The following ACTN2 variants were observed in gnomAD, a reference collection of about 807,000 sequenced individuals.
ACTN2 encodes alpha-actinin-2.
ACTN2 carries 39 observed loss-of-function variants against 113.8 expected under a neutral mutation model. That is an observed-to-expected ratio of 0.34 (90% CI 0.27 to 0.45). The LOEUF (loss-of-function observed/expected upper bound fraction) is 0.45. ACTN2 is among the 20% of genes least tolerant of loss of function. The probability of loss-of-function intolerance (pLI) is 1.00; values close to 1 mark genes in which losing one functional copy is unlikely to be tolerated. For synonymous variants in ACTN2, 429 were observed against 444.1 expected (o/e 0.97, Z 0.43); for missense variants, 992 against 1,177.9 (o/e 0.84, Z 2.31).
At chr1:236,715,168 T>G (rs1441984092) in intron 1 of ACTN2, among the ~76,000 whole-genome samples, 13 of 149,778 alleles carry the variant, frequency 8.7e-5, no homozygotes, top group Non-Finnish European at 1.6e-4. Context: ...TTTTTTTTTT[T>G]TATTCTACTT....
intron 10 of ACTN2, among the ~76,000 whole-genome samples, chr1:236,740,636 A>C (rs909791463): frequency 1.2e-4 from 18 of 151,158 alleles, no homozygotes; most frequent in Middle Eastern, 3.3e-3. Flanking sequence ...GAGTTCAAGC[A>C]ATTCTCCTGC....
chr1:236,703,302 A>C (rs1657729508), intron 1 of ACTN2, among the ~76,000 whole-genome samples: 2 of 152,214 alleles, frequency 1.3e-5, no homozygotes, highest in South Asian at 2.1e-4. Context: ...AGTTTGTGCC[A>C]GCCTGGGGGA....
chr1:236,709,956 AT>A (rs1216599857), intron 1 of ACTN2, among the ~76,000 whole-genome samples: 8 of 151,062 alleles, frequency 5.3e-5, no homozygotes, highest in East Asian at 3.9e-4. Context: ...ATGTTGCCAA[AT>A]TTTTTTTTTG....
intron 13 of ACTN2, 101 bp from the exon 14 acceptor site, chr1:236,749,023 A>G: frequency 7.7e-7 from 1 of 1,299,040 alleles, no homozygotes; most frequent in Non-Finnish European, 1.1e-6. Flanking sequence ...TACGATTAAC[A>G]GAATATCAGA....
chr1:236,709,665 G>A (rs1250265554), intron 1 of ACTN2, among the ~76,000 whole-genome samples: 3 of 152,058 alleles, frequency 2.0e-5, no homozygotes, highest in South Asian at 4.1e-4. Context: ...AACTTCAACA[G>A]AGAACGCTCA....
At chr1:236,742,535 T>TAAA (rs140346044) in intron 10 of ACTN2, among the ~76,000 whole-genome samples, 2 of 150,872 alleles carry the variant, frequency 1.3e-5, no homozygotes, top group African/African-American at 4.9e-5. Context: ...TCCATTTCTT[T>TAAA]AAAAAAAAAC....
At position 236,737,160 on chromosome 1, in the gene ACTN2, T is replaced by C. The variant is rs1203014708; in HGVS notation, c.822T>C (p.Ala274=). ...TAANRICKVL[A]VNQENERLME... ...CTAACAGGATATGTAAGGTTCTTGC[T>C]GTGAATCAAGAGAATGAGAGGCTGA... Residue 274 remains alanine, a synonymous_variant, in exon 9 of 21, where the codon GCT becomes GCC. Coordinates refer to ENST00000366578, the MANE Select transcript of ACTN2 (RefSeq NM_001103.4). 3.1e-6 allele frequency: 5 copies of C among 1,608,702 alleles called. No homozygotes were observed. Among genetic ancestry groups the C allele is most frequent in the Non-Finnish European group, 4.2e-6 (5 of 1,176,904 alleles).
intron 17 of ACTN2, 26 bp downstream of exon 17, chr1:236,755,224 C>T (rs535123342): frequency 9.0e-5 from 146 of 1,613,634 alleles, no homozygotes; most frequent in Non-Finnish European, 1.2e-4. Context: ...AGGCGTGTGC[C>T]GCTCACTTCT....
At chr1:236,751,356 C>G (rs1659388523) in intron 14 of ACTN2, 114 bp from the exon 15 acceptor site, 2 of 1,307,484 alleles carry the variant, frequency 1.5e-6, no homozygotes, top group Admixed American at 3.9e-5. Flanking sequence ...GTGTTTTTCT[C>G]CAGAGACTCT....
At chr1:236,709,360 G>A (rs995424175) in intron 1 of ACTN2, among the ~76,000 whole-genome samples, 7 of 121,610 alleles carry the variant, frequency 5.8e-5, no homozygotes, top group East Asian at 2.3e-4. Flanking sequence ...ATATATATAC[G>A]TGTGTGTGTA....
Position 236,749,161 on chromosome 1 carries a change from A to C in ACTN2, c.1553A>C (p.His518Pro), listed in dbSNP as rs775555399. ...EKLLETIDQL[H>P]LEFAKRAAPF... ...TTGCTAGAAACCATTGATCAGCTTCACCTGGAGTTTGCCAAGAGGGCTGCT... is the reference window on the plus strand; with the variant it reads ...TTGCTAGAAACCATTGATCAGCTTCCCCTGGAGTTTGCCAAGAGGGCTGCT... The change falls in exon 14 of 21, where the codon CAC becomes CCC. Residue 518 changes from histidine (H) to proline (P), a missense_variant. By Grantham distance (77) the His-to-Pro change is moderately conservative. Around this residue, in one of 3 missense-constraint regions of ACTN2, gnomAD observed 736 missense variants for 815.4 expected, o/e 0.90. Coordinates refer to ENST00000366578, the MANE Select transcript of ACTN2 (RefSeq NM_001103.4). The C allele has an allele frequency of 6.2e-7, 1 of 1,614,140 alleles. No individual in the cohort carries two copies. Among genetic ancestry groups the C allele is most frequent in the South Asian group, 1.1e-5 (1 of 91,086 alleles).
rs1658802329 is a variant in ACTN2, at chr1:236,734,338, G to T, written c.698-1297G>T. ...ACATAAGTGTATGGGGGCGAAGGGGGAGGATTCCTGATTCCAACACCTCTG... is the reference window on the plus strand; with the variant it reads ...ACATAAGTGTATGGGGGCGAAGGGGTAGGATTCCTGATTCCAACACCTCTG... On this transcript the variant is annotated intron_variant, in intron 7 of 20. Coordinates refer to ENST00000366578, the MANE Select transcript of ACTN2 (RefSeq NM_001103.4). 6 of 828,228 alleles carry T rather than the reference G, an allele frequency of 7.2e-6. No individual in the cohort carries two copies. In the South Asian group the frequency reaches 1.1e-4, roughly 15 times the overall value. 51.3% of individuals were successfully genotyped at this position (828,228 alleles called of 1,614,324 possible).
At chr1:236,745,262 G>A (rs1030223406) in intron 12 of ACTN2, among the ~76,000 whole-genome samples, 1 of 151,956 alleles carries the variant, frequency 6.6e-6, no homozygotes, top group Non-Finnish European at 1.5e-5. Flanking sequence ...GTGAAACCCC[G>A]TCTCTACTAA....
chr1:236,686,832 G>T (rs746504347), intron 1 of ACTN2, 33 bp downstream of exon 1: 3 of 1,425,596 alleles, frequency 2.1e-6, no homozygotes, highest in South Asian at 1.5e-5. Flanking sequence ...CCCGCGCGTG[G>T]TGGGGCCGGG....
At chr1:236,713,619 C>T (rs905995276) in intron 1 of ACTN2, among the ~76,000 whole-genome samples, 3 of 151,874 alleles carry the variant, frequency 2.0e-5, no homozygotes, top group African/African-American at 7.3e-5. Flanking sequence ...TACACAGATA[C>T]CACTGAAGGG....
chr1:236,726,001 A>G lies in ACTN2; in HGVS notation c.517A>G (p.Ile173Val), dbSNP rs749860792. The change falls in exon 5 of 21, where the codon ATT (isoleucine) becomes GTT (valine). Residue 173 changes from isoleucine (I) to valine (V), a missense_variant. Ile to Val is a conservative substitution (Grantham distance 29, BLOSUM62 3). Coordinates refer to ENST00000366578, the MANE Select transcript of ACTN2 (RefSeq NM_001103.4). Reference sequence around the variant, plus strand: ...AACTGCTCCTTATAGAAATGTGAACATTCAGAACTTCCATACTAGGTGAGC... The same window carrying G: ...AACTGCTCCTTATAGAAATGTGAACGTTCAGAACTTCCATACTAGGTGAGC... ...RKTAPYRNVN[I>V]QNFHTSWKDG... 15 of 1,614,040 alleles carry G rather than the reference A, an allele frequency of 9.3e-6. No homozygotes were observed. The African/African-American group carries it at 1.7e-4, about 19-fold the overall frequency.
chr1:236,737,403 T>C (rs1463945620), intron 9 of ACTN2, among the ~76,000 whole-genome samples, 189 bp downstream of exon 9: 1 of 148,996 alleles, frequency 6.7e-6, no homozygotes, highest in Non-Finnish European at 1.5e-5. Context: ...ACCTAACTTT[T>C]GGCAAAAACA....
chr1:236,761,955 C>T (rs1280910093), intron 20 of ACTN2, among the ~76,000 whole-genome samples: 1 of 151,596 alleles, frequency 6.6e-6, no homozygotes, highest in Non-Finnish European at 1.5e-5. Flanking sequence ...AATAGCCCAG[C>T]TGATTTAGAA....
intron 15 of ACTN2, 147 bp from the exon 16 acceptor site, chr1:236,753,800 C>A: frequency 1.0e-6 from 1 of 998,568 alleles, no homozygotes; most frequent in Non-Finnish European, 1.6e-6. Context: ...CCTCCCTATC[C>A]TCCCTCTTCC....
Sources: allele counts gnomAD v4.1 joint callset (sites outside exome capture counted in the v4.1 genomes callset), GRCh38; gene constraint gnomAD v4.1.1; regional missense constraint gnomAD v4.1.1; transcripts MANE v1.5; gene names NCBI Gene and HGNC (gene_info 2026-07-23, HGNC 2026-07-21).